ZNF608: variants seen among roughly 807,000 people sequenced by gnomAD.
ZNF608 encodes renal carcinoma antigen NY-REN-36.
ZNF608 carries 12 observed loss-of-function variants against 109.0 expected under a neutral mutation model. That is an observed-to-expected ratio of 0.11 (90% CI 0.07 to 0.18). The LOEUF (loss-of-function observed/expected upper bound fraction) is 0.18. Ranked by LOEUF, ZNF608 falls within the 10% of genes least tolerant of loss-of-function variation. The pLI is 1.00. For missense variants in ZNF608, 1,707 were observed against 1,879.3 expected (o/e 0.91, Z 1.70); for synonymous variants, 732 against 717.4 (o/e 1.02, Z -0.33).
intron 3 of ZNF608, among the ~76,000 whole-genome samples, chr5:124,680,200 A>G (rs1299797588): frequency 6.6e-6 from 1 of 152,226 alleles, no homozygotes; most frequent in Non-Finnish European, 1.5e-5. Context: ...AGATCTCCGT[A>G]GAAGGATAAT....
intron 5 of ZNF608, 87 bp from the exon 6 acceptor site, chr5:124,644,748 G>A: frequency 9.1e-7 from 1 of 1,102,876 alleles, no homozygotes; most frequent in Admixed American, 2.8e-5. Context: ...AATCATGACA[G>A]CACTAGCACT....
At chr5:124,741,220 A>T (rs556149296) in intron 2 of ZNF608, among the ~76,000 whole-genome samples, 2 of 152,198 alleles carry the variant, frequency 1.3e-5, no homozygotes, top group Non-Finnish European at 2.9e-5. Context: ...ATAAAGGAGT[A>T]GAACACTCAT....
At chr5:124,742,214 C>T (rs1211803024) in intron 2 of ZNF608, among the ~76,000 whole-genome samples, 1 of 152,192 alleles carries the variant, frequency 6.6e-6, no homozygotes. Context: ...ACTGGAGAAA[C>T]GACACCACGC....
chr5:124,647,704 G>T lies in ZNF608; in HGVS notation c.2680C>A (p.Pro894Thr). ...GAGGCGCTCCCTATGGAAGGGCTGG[G>T]AGCGTTGTCTGTGAAAGTGTAAACC... Reference protein sequence around the residue: ...DKVYTFTDNAPSPSIGSASRL... With the variant: ...DKVYTFTDNATSPSIGSASRL... Residue 894 changes from proline to threonine, a missense_variant, in exon 5 of 10, where the codon CCC (proline) becomes ACC (threonine). Pro to Thr is a conservative substitution (Grantham distance 38, BLOSUM62 -1). Transcript: ENST00000513986. 4 of 1,614,230 alleles carry T rather than the reference G, an allele frequency of 2.5e-6. No homozygotes were observed. The South Asian group carries it at 4.4e-5, about 18-fold the overall frequency.
chr5:124,665,002 C>T (rs1236769969), intron 3 of ZNF608, among the ~76,000 whole-genome samples: 3 of 151,986 alleles, frequency 2.0e-5, no homozygotes, highest in Admixed American at 6.6e-5. Flanking sequence ...AGTGAAACCC[C>T]GTCTCTACTA....
In ZNF608 at chr5:124,646,682, T is replaced by C; in HGVS notation, c.3702A>G (p.Lys1234=). The C allele has an allele frequency of 1.2e-6, 2 of 1,609,220 alleles. No individual in the cohort carries two copies. Among genetic ancestry groups the C allele is most frequent in the South Asian group, 1.1e-5 (1 of 90,916 alleles). Residue 1234 remains lysine, a synonymous_variant, in exon 5 of 10, where the codon AAA becomes AAG. Coordinates refer to ENST00000513986, the MANE Select transcript of ZNF608 (RefSeq NM_020747.3). ...GGGCCACGCTCCACAATCTTACTTG[T>C]TTAAATCTCGAGGTTGGGTCTACAC... ...QTGVDPTSRF[K]QDPDSRTWHH...
At chr5:124,665,450 C>T (rs1335683679) in intron 3 of ZNF608, among the ~76,000 whole-genome samples, 1 of 152,142 alleles carries the variant, frequency 6.6e-6, no homozygotes, top group African/African-American at 2.4e-5. Flanking sequence ...TTATGTTCCC[C>T]AGTCAAATAT....
At chr5:124,722,500 C>T (rs1306852327) in intron 2 of ZNF608, among the ~76,000 whole-genome samples, 1 of 151,546 alleles carries the variant, frequency 6.6e-6, no homozygotes, top group Non-Finnish European at 1.5e-5. Flanking sequence ...CACTAATTAA[C>T]CACCTGTAAA....
chr5:124,648,741 G>C lies in ZNF608; in HGVS notation c.1643C>G (p.Ser548Cys), dbSNP rs1161065409. 1.9e-6 allele frequency: 3 copies of C among 1,614,242 alleles called. No homozygotes were observed. Among genetic ancestry groups the C allele is most frequent in the Non-Finnish European group, 2.5e-6 (3 of 1,180,048 alleles). The change falls in exon 5 of 10, where the codon TCT becomes TGT. Residue 548 changes from serine (S) to cysteine (C), a missense_variant. By Grantham distance (112) the Ser-to-Cys change is moderately radical. Transcript: ENST00000513986. ...GGGACAGTCGATTAACACTGGAGAA[G>C]AGCAGCCTTGGTCCAAAAAAGTAGT... ...PETTFLDQGC[S>C]SPVLIDCPHP... is the part of the protein sequence containing the mutation.
intron 2 of ZNF608, among the ~76,000 whole-genome samples, chr5:124,723,104 C>T (rs113328455): frequency 0.045 from 6,814 of 150,982 alleles, 468 homozygotes; most frequent in African/African-American, 0.15. Flanking sequence ...GATCTTGGCT[C>T]ACTGCAGCCT....
Position 124,717,306 on chromosome 5 carries a change from A to C in ZNF608, c.907-16037T>G, listed in dbSNP as rs565964819. Among the ~76,000 whole-genome samples the C allele has an allele frequency of 9.7e-4, 147 of 151,666 alleles. 1 individual carries two copies. The highest frequency in any genetic ancestry group is 3.5e-3 in the African/African-American group (145 of 41,288). The stretch of plus-strand genomic sequence containing the variant: ...CATAGAGAAACCCTGTCTCTACTAA[A>C]AATTAAAAAAAAAAATTAGCCAGGC... On this transcript the variant is annotated intron_variant, in intron 2 of 9. Transcript: ENST00000513986.
At chr5:124,661,453 C>A (rs1751254294) in intron 3 of ZNF608, among the ~76,000 whole-genome samples, 3 of 149,800 alleles carry the variant, frequency 2.0e-5, no homozygotes, top group South Asian at 4.2e-4. Flanking sequence ...TCCCCCATTC[C>A]ACATTCCAAA....
At chr5:124,724,113 T>G (rs1175174991) in intron 2 of ZNF608, among the ~76,000 whole-genome samples, 2 of 152,178 alleles carry the variant, frequency 1.3e-5, no homozygotes, top group African/African-American at 2.4e-5. Context: ...GGGGGGCAAT[T>G]AAATTTTGAA....
chr5:124,674,917 A>T (rs1244538558), intron 3 of ZNF608, among the ~76,000 whole-genome samples: 1 of 152,120 alleles, frequency 6.6e-6, no homozygotes, highest in Non-Finnish European at 1.5e-5. Flanking sequence ...CCAGCCCTAA[A>T]ATGACTTTAA....
Position 124,668,551 on chromosome 5 carries a change from G to A in ZNF608, c.1163-18854C>T, listed in dbSNP as rs189907044. Among the ~76,000 whole-genome samples, 73 of 152,170 alleles carry A rather than the reference G, an allele frequency of 4.8e-4. No homozygotes were observed. In the Middle Eastern group the frequency reaches 0.02, roughly 43 times the overall value. On this transcript the variant is annotated intron_variant, in intron 3 of 9. Transcript: ENST00000513986. The stretch of plus-strand genomic sequence containing the variant: ...TAATTGGAACAGAGCCAAAAACAGA[G>A]CCCAAACCACACTTGGATCTCTAAC...
In ZNF608 at chr5:124,668,396, G is replaced by GA. The variant is rs979502525; in HGVS notation, c.1163-18700dup. Among the ~76,000 whole-genome samples, 1,129 of 144,262 alleles carry GA rather than the reference G, an allele frequency of 7.8e-3. 5 individuals carry two copies. Among genetic ancestry groups the GA allele is most frequent in the Non-Finnish European group, 0.012 (783 of 65,472 alleles). The allele number at this position is 144,262 out of a possible 152,430, so 94.6% of individuals were successfully genotyped here. A position where few individuals can be genotyped will look rare whatever the true frequency, so the allele number is the denominator to read the frequency against. ...TCAAAACAAAACAAAACACCACACAGAAAAAAAAAAATCACGTAATTTTCA... is the reference window on the plus strand; with the variant it reads ...TCAAAACAAAACAAAACACCACACAGAAAAAAAAAAAATCACGTAATTTTCA... On this transcript the variant is annotated intron_variant, in intron 3 of 9. Coordinates refer to ENST00000513986, the MANE Select transcript of ZNF608 (RefSeq NM_020747.3).
At position 124,675,193 on chromosome 5, in the gene ZNF608, T is replaced by C. The variant is rs1751891224; in HGVS notation, c.1163-25496A>G. Among the ~76,000 whole-genome samples, 4 of 152,082 alleles carry C rather than the reference T, an allele frequency of 2.6e-5. No homozygotes were observed. In the South Asian group the frequency reaches 8.3e-4, roughly 32 times the overall value. ...TTAAAGAGTATCAGCAAGGGTGAAATTTACAGAAGGCTGAACACCTAAGTG... is the reference window on the plus strand; with the variant it reads ...TTAAAGAGTATCAGCAAGGGTGAAACTTACAGAAGGCTGAACACCTAAGTG... On this transcript the variant is annotated intron_variant, in intron 3 of 9. Transcript: ENST00000513986.
chr5:124,718,353 T>C (rs972745035), intron 2 of ZNF608, among the ~76,000 whole-genome samples: 2 of 152,250 alleles, frequency 1.3e-5, no homozygotes, highest in African/African-American at 4.8e-5. Context: ...ATCTAAGCTG[T>C]CAAAGAATCA....
intron 2 of ZNF608, among the ~76,000 whole-genome samples, chr5:124,723,177 C>G (rs116190950): frequency 6.6e-6 from 1 of 151,830 alleles, no homozygotes; most frequent in Non-Finnish European, 1.5e-5. Flanking sequence ...ATTACAGGCA[C>G]GCGACACCAC....
Sources: allele counts gnomAD v4.1 joint callset (sites outside exome capture counted in the v4.1 genomes callset), GRCh38; gene constraint gnomAD v4.1.1; transcripts MANE v1.5; gene names NCBI Gene and HGNC (gene_info 2026-07-23, HGNC 2026-07-21).